Variants in CIDEA observed in about 807,000 individuals in gnomAD.
CIDEA encodes lipid transferase CIDEA.
A neutral mutation model predicts 18.2 loss-of-function variants in CIDEA; 10 were observed. That is an observed-to-expected ratio of 0.55 (90% confidence interval 0.34 to 0.93). CIDEA has a LOEUF of 0.93. CIDEA is among the 40% of genes least tolerant of loss of function. CIDEA has a pLI of 0.02. For synonymous variants in CIDEA, 128 were observed against 124.8 expected (o/e 1.03, Z -0.17); for missense variants, 309 against 293.1 (o/e 1.05, Z -0.40).
At chr18:12,270,894 C>CTTTTTTT (rs771335202) in intron 3 of CIDEA, among the ~76,000 whole-genome samples, 153 of 59,946 alleles carry the variant, frequency 2.6e-3, no homozygotes, top group Non-Finnish European at 3.2e-3. Flanking sequence ...TTTTTCTTTT[C>CTTTTTTT]TTTTTTTTTT....
chr18:12,271,866 C>A (rs530023630), intron 3 of CIDEA, among the ~76,000 whole-genome samples: 3 of 151,246 alleles, frequency 2.0e-5, no homozygotes, highest in African/African-American at 7.3e-5. Flanking sequence ...TCAGGAAGAG[C>A]GCGGCCCCGC....
At chr18:12,272,448 G>A (rs1475195720) in intron 3 of CIDEA, among the ~76,000 whole-genome samples, 1 of 151,972 alleles carries the variant, frequency 6.6e-6, no homozygotes, top group Admixed American at 6.6e-5. Context: ...CCTGACCTCA[G>A]GTCATCTGCT....
chr18:12,268,230 A>ATTTT (rs1285349657), intron 3 of CIDEA, among the ~76,000 whole-genome samples: 1 of 114,642 alleles, frequency 8.7e-6, no homozygotes, highest in South Asian at 3.0e-4. Context: ...ATGCCCGGCC[A>ATTTT]TTTTTTTTTT....
chr18:12,254,618 G>A, intron 1 of CIDEA, 197 bp downstream of exon 1: 2 of 1,527,406 alleles, frequency 1.3e-6, no homozygotes, highest in Non-Finnish European at 1.8e-6. Flanking sequence ...CCGCGCCCGC[G>A]GGCAGAGCCC....
At chr18:12,271,038 A>C (rs2144081912) in intron 3 of CIDEA, among the ~76,000 whole-genome samples, 1 of 150,818 alleles carries the variant, frequency 6.6e-6, no homozygotes, top group Middle Eastern at 3.4e-3. Flanking sequence ...AGCTGGGATT[A>C]CAGGCGCCCA....
chr18:12,260,749 C>A (rs987947741), intron 1 of CIDEA, among the ~76,000 whole-genome samples: 1 of 152,212 alleles, frequency 6.6e-6, no homozygotes, highest in Non-Finnish European at 1.5e-5. Flanking sequence ...TTTTAGCATT[C>A]AGTGAGTTAA....
intron 1 of CIDEA, among the ~76,000 whole-genome samples, chr18:12,257,235 C>T (rs760536920): frequency 2.6e-5 from 4 of 152,194 alleles, no homozygotes; most frequent in Non-Finnish European, 5.9e-5. Context: ...TTCCTGTGTA[C>T]TGCTTCTTCC....
chr18:12,257,901 T>C (rs189387926), intron 1 of CIDEA, among the ~76,000 whole-genome samples: 27 of 152,238 alleles, frequency 1.8e-4, no homozygotes, highest in Middle Eastern at 3.4e-3. Flanking sequence ...GGAGGTGACT[T>C]GGGTGGAGAC....
At chr18:12,271,118 C>T in intron 3 of CIDEA, among the ~76,000 whole-genome samples, 1 of 152,032 alleles carries the variant, frequency 6.6e-6, no homozygotes, top group East Asian at 1.9e-4. Context: ...AGGCTGGTCT[C>T]AAACTCCTGA....
In CIDEA at chr18:12,261,762, G is replaced by A. The variant is rs535231566; in HGVS notation, c.39-1063G>A. Reference sequence around the variant, plus strand: ...AATTTTTTTTTATTTTTATTTTTTTGTAAAGACAGGGTCTCACTATGTTGC... The same window carrying A: ...AATTTTTTTTTATTTTTATTTTTTTATAAAGACAGGGTCTCACTATGTTGC... On this transcript the variant is annotated intron_variant, in intron 1 of 4. Coordinates refer to ENST00000320477, the MANE Select transcript of CIDEA (RefSeq NM_001279.4). 2.3e-4 allele frequency among the ~76,000 whole-genome samples: 35 copies of A among 151,344 alleles called. 1 individual carries two copies. Among genetic ancestry groups the A allele is most frequent in the Non-Finnish European group, 3.5e-4 (24 of 67,770 alleles).
chr18:12,274,331 A>G (rs150327433), intron 4 of CIDEA, 57 bp downstream of exon 4: 6 of 1,548,158 alleles, frequency 3.9e-6, no homozygotes, highest in Non-Finnish European at 5.3e-6. Flanking sequence ...GGTGTGGCAC[A>G]GGCAGCAGTC....
chr18:12,259,064 G>T (rs527652583), intron 1 of CIDEA, among the ~76,000 whole-genome samples: 1 of 152,328 alleles, frequency 6.6e-6, no homozygotes, highest in Admixed American at 6.5e-5. Flanking sequence ...CTTAATCGAG[G>T]TGACAGTTCA....
At chr18:12,272,189 T>A (rs1912568283) in intron 3 of CIDEA, among the ~76,000 whole-genome samples, 1 of 131,236 alleles carries the variant, frequency 7.6e-6, no homozygotes, top group Non-Finnish European at 1.6e-5. Context: ...TTGTTGTTGT[T>A]GTTGTTGTTT....
chr18:12,258,227 C>T (rs1912091887), intron 1 of CIDEA, among the ~76,000 whole-genome samples: 1 of 152,168 alleles, frequency 6.6e-6, no homozygotes, highest in African/African-American at 2.4e-5. Flanking sequence ...CAGGGAGAAC[C>T]AGAAATGGTT....
intron 3 of CIDEA, among the ~76,000 whole-genome samples, 153 bp downstream of exon 3, chr18:12,264,606 T>A (rs932635031): frequency 2.6e-5 from 4 of 151,354 alleles, no homozygotes; most frequent in Admixed American, 2.0e-4. Context: ...CAGGCTGGAG[T>A]GCAGTGGCGC....
intron 3 of CIDEA, among the ~76,000 whole-genome samples, chr18:12,267,106 C>G (rs952989317): frequency 6.6e-6 from 1 of 152,154 alleles, no homozygotes; most frequent in Non-Finnish European, 1.5e-5. Flanking sequence ...TCTACTACCA[C>G]CAACAGCTAC....
chr18:12,262,051 CA>C (rs1216887644), intron 1 of CIDEA, among the ~76,000 whole-genome samples: 1 of 151,902 alleles, frequency 6.6e-6, no homozygotes, highest in Non-Finnish European at 1.5e-5. Flanking sequence ...CCTATAGTCC[CA>C]GCTACTCAGG....
intron 3 of CIDEA, among the ~76,000 whole-genome samples, chr18:12,271,716 G>A (rs1422281288): frequency 6.6e-6 from 1 of 152,184 alleles, no homozygotes; most frequent in African/African-American, 2.4e-5. Flanking sequence ...GGGGCTCGCG[G>A]CCCCCGTTTC....
chr18:12,267,052 C>T (rs1229022184), intron 3 of CIDEA, among the ~76,000 whole-genome samples: 3 of 152,180 alleles, frequency 2.0e-5, no homozygotes, highest in African/African-American at 7.2e-5. Context: ...AGCCACCGCA[C>T]CCGGCCGATT....
Sources: allele counts gnomAD v4.1 joint callset (sites outside exome capture counted in the v4.1 genomes callset), GRCh38; gene constraint gnomAD v4.1.1; transcripts MANE v1.5; gene names NCBI Gene and HGNC (gene_info 2026-07-23, HGNC 2026-07-21).